EPHA6: variants seen among roughly 807,000 people sequenced by gnomAD.
EPHA6 encodes EPH receptor A6.
EPHA6 carries 50 observed loss-of-function variants against 112.0 expected under a neutral mutation model. The observed-to-expected ratio is 0.45, with a 90% CI of 0.36 to 0.56. The LOEUF is 0.56. Among genes scored for constraint, EPHA6 ranks in the 20% least tolerant of loss-of-function variants. The pLI is 0.00. For missense variants in EPHA6, 1,280 were observed against 1,417.4 expected (o/e 0.90, Z 1.56); for synonymous variants, 529 against 490.7 (o/e 1.08, Z -1.03).
At chr3:97,741,629 C>A (rs2035509690) in intron 16 of EPHA6, among the ~76,000 whole-genome samples, 1 of 152,014 alleles carries the variant, frequency 6.6e-6, no homozygotes, top group African/African-American at 2.4e-5. Flanking sequence ...GAGTACACAG[C>A]AATAATGAGT....
chr3:97,448,760 A>G (rs745515641), intron 7 of EPHA6, 30 bp downstream of exon 7: 2 of 1,607,926 alleles, frequency 1.2e-6, no homozygotes, highest in East Asian at 2.2e-5. Flanking sequence ...ATAACATAAG[A>G]TGTGAATTTA....
At chr3:97,263,467 A>ACACACACACC (rs1553732540) in intron 5 of EPHA6, among the ~76,000 whole-genome samples, 2 of 150,558 alleles carry the variant, frequency 1.3e-5, no homozygotes, top group East Asian at 1.9e-4. Context: ...ACACACACAC[A>ACACACACACC]CCCGCTAGGC....
At chr3:97,572,984 T>C (rs2093349200) in intron 11 of EPHA6, among the ~76,000 whole-genome samples, 1 of 152,174 alleles carries the variant, frequency 6.6e-6, no homozygotes, top group Non-Finnish European at 1.5e-5. Flanking sequence ...TTACATTTGG[T>C]TGAATTTTTG....
intron 3 of EPHA6, among the ~76,000 whole-genome samples, chr3:97,156,963 T>G (rs2076302638): frequency 6.6e-6 from 1 of 152,156 alleles, no homozygotes; most frequent in Non-Finnish European, 1.5e-5. Flanking sequence ...TGGTTATTAT[T>G]TAGCACAGCA....
At chr3:97,295,511 T>C (rs2080843707) in intron 5 of EPHA6, among the ~76,000 whole-genome samples, 1 of 152,044 alleles carries the variant, frequency 6.6e-6, no homozygotes, top group Admixed American at 6.5e-5. Context: ...TTGTTTGTGT[T>C]TTTCTTGTAT....
intron 3 of EPHA6, among the ~76,000 whole-genome samples, chr3:97,113,063 C>G (rs996924632): frequency 3.3e-5 from 5 of 152,092 alleles, no homozygotes; most frequent in African/African-American, 1.2e-4. Flanking sequence ...GGAGTCTCTG[C>G]TATGTGTCAG....
chr3:97,187,697 G>GAA (rs1414052359), intron 3 of EPHA6, among the ~76,000 whole-genome samples: 1 of 105,948 alleles, frequency 9.4e-6, no homozygotes, highest in Non-Finnish European at 2.0e-5. Flanking sequence ...AGGAAAGAAA[G>GAA]AAAGAAAGAA....
At chr3:97,565,315 G>T (rs1029817230) in intron 11 of EPHA6, among the ~76,000 whole-genome samples, 1 of 151,832 alleles carries the variant, frequency 6.6e-6, no homozygotes, top group Non-Finnish European at 1.5e-5. Context: ...TATTATTACA[G>T]ATGATAATTA....
chr3:96,872,045 G>A (rs1020632193), intron 2 of EPHA6, among the ~76,000 whole-genome samples: 14 of 152,030 alleles, frequency 9.2e-5, no homozygotes, highest in African/African-American at 9.7e-5. Flanking sequence ...ATAGATAAGC[G>A]AGACATAATT....
chr3:97,533,191 G>C (rs974136222), intron 11 of EPHA6, among the ~76,000 whole-genome samples: 6 of 151,764 alleles, frequency 4.0e-5, no homozygotes, highest in Admixed American at 2.0e-4. Flanking sequence ...CATAAAATAT[G>C]ACAATATTTC....
chr3:96,939,153 G>A (rs375031050), intron 2 of EPHA6, among the ~76,000 whole-genome samples: 4 of 152,052 alleles, frequency 2.6e-5, no homozygotes, highest in South Asian at 4.1e-4. Context: ...CTCTTTTTCT[G>A]TTGATTGGAA....
intron 11 of EPHA6, chr3:97,559,783 A>T (rs1482575237): frequency 2.9e-6 from 1 of 347,052 alleles, no homozygotes; most frequent in Admixed American, 4.0e-5. Context: ...TAAAACTGCC[A>T]GCCAACAGCC....
chr3:97,356,317 C>A (rs1213749076), intron 5 of EPHA6, among the ~76,000 whole-genome samples: 1 of 152,146 alleles, frequency 6.6e-6, no homozygotes, highest in Middle Eastern at 3.2e-3. Flanking sequence ...ATAATTATTT[C>A]ATTATGTATT....
chr3:97,454,735 A>G (rs899944530), intron 7 of EPHA6, among the ~76,000 whole-genome samples: 4 of 151,924 alleles, frequency 2.6e-5, no homozygotes, highest in Non-Finnish European at 5.9e-5. Flanking sequence ...TGTTTGATCC[A>G]GTCTGTTGGT....
intron 3 of EPHA6, among the ~76,000 whole-genome samples, chr3:97,206,828 C>A (rs1253623946): frequency 6.6e-6 from 1 of 152,034 alleles, no homozygotes. Flanking sequence ...CAAAGTTATT[C>A]CACTTCAGAA....
At chr3:96,994,732 T>TATATATATAGAGAGAGAGAGAGAGAG (rs1170197805) in intron 3 of EPHA6, among the ~76,000 whole-genome samples, 8 of 82,204 alleles carry the variant, frequency 9.7e-5, no homozygotes, top group African/African-American at 5.1e-4. Flanking sequence ...TATATATATA[T>TATATATATAGAGAGAGAGAGAGAGAG]AGAGAGAGAG....
At chr3:97,167,617 ACT>A (rs2076573607) in intron 3 of EPHA6, among the ~76,000 whole-genome samples, 1 of 151,988 alleles carries the variant, frequency 6.6e-6, no homozygotes, top group Admixed American at 6.6e-5. Flanking sequence ...CTAGCTGATA[ACT>A]CTCTGTGCTT....
intron 7 of EPHA6, among the ~76,000 whole-genome samples, chr3:97,466,920 A>T (rs1054384090): frequency 6.6e-6 from 1 of 151,858 alleles, no homozygotes; most frequent in African/African-American, 2.4e-5. Context: ...TCTACTTACC[A>T]TGTTGGTGAC....
chr3:96,961,077 C>A (rs2041933416), intron 2 of EPHA6, among the ~76,000 whole-genome samples: 2 of 152,022 alleles, frequency 1.3e-5, no homozygotes, highest in African/African-American at 4.8e-5. Context: ...TAATGGTTGA[C>A]CTAGAAGTAT....
Sources: allele counts gnomAD v4.1 joint callset (sites outside exome capture counted in the v4.1 genomes callset), GRCh38; gene constraint gnomAD v4.1.1; transcripts MANE v1.5; gene names NCBI Gene and HGNC (gene_info 2026-07-23, HGNC 2026-07-21).